SDCCAG8: variants seen among roughly 807,000 people sequenced by gnomAD.
The protein encoded by SDCCAG8 is SHH signaling and ciliogenesis regulator SDCCAG8, also known as serologically defined colon cancer antigen 8.
In SDCCAG8, 74 loss-of-function variants were observed where a neutral mutation model predicts 101.8. The ratio of observed to expected loss-of-function variants is 0.73; its 90% CI spans 0.60 to 0.88. SDCCAG8 has a LOEUF of 0.88. Among genes scored for constraint, SDCCAG8 ranks in the 40% least tolerant of loss-of-function variants. SDCCAG8 has a pLI of 0.00. For missense variants in SDCCAG8, 787 were observed against 822.6 expected (o/e 0.96, Z 0.53); for synonymous variants, 281 against 292.9 (o/e 0.96, Z 0.41).
chr1:243,449,175 A>C (rs555589615), intron 16 of SDCCAG8, among the ~76,000 whole-genome samples: 2 of 152,204 alleles, frequency 1.3e-5, no homozygotes, highest in Non-Finnish European at 2.9e-5. Flanking sequence ...TACTTAGGCT[A>C]TTTAACAACT....
intron 16 of SDCCAG8, 99 bp downstream of exon 16, chr1:243,426,657 A>T: frequency 7.2e-7 from 1 of 1,398,564 alleles, no homozygotes; most frequent in Non-Finnish European, 1.0e-6. Context: ...ATTCATCATC[A>T]TTATGCTACT....
At position 243,426,555 on chromosome 1, in the gene SDCCAG8, A is replaced by G; in HGVS notation, c.1982A>G (p.Gln661Arg). The change falls in exon 16 of 18, where the codon CAA (glutamine) becomes CGA (arginine). Residue 661 changes from glutamine to arginine, a missense_variant. Transcript: ENST00000366541. ...GGGAGAGTACATGAGACGATGAAGC[A>G]AAGGTAATCAAGGTTTCATGTCAAC... The part of the protein sequence containing the change: ...QHGRVHETMK[Q>R]RLRQLDKHSQ... The G allele has an allele frequency of 1.2e-6, 2 of 1,614,018 alleles. No homozygotes were observed. The highest frequency in any genetic ancestry group is 1.7e-6 in the Non-Finnish European group (2 of 1,179,916).
intron 6 of SDCCAG8, among the ~76,000 whole-genome samples, chr1:243,294,757 C>A (rs2070701695): frequency 7.4e-6 from 1 of 134,874 alleles, no homozygotes; most frequent in Non-Finnish European, 1.5e-5. Flanking sequence ...AAAAACAATT[C>A]TATTTTAAGA....
chr1:243,322,415 TA>T lies in SDCCAG8; in HGVS notation c.1068+5527del, dbSNP rs914423761. ...CATCTACTATGTACTCAACAAAAAT[TA>T]AAAATAAAGTAAAAACAATTAGGAG... On this transcript the variant is annotated intron_variant, in intron 9 of 17. Transcript: ENST00000366541. 1.6e-4 allele frequency among the ~76,000 whole-genome samples: 24 copies of T among 152,140 alleles called. 1 individual carries two copies. The highest frequency in any genetic ancestry group is 2.8e-4 in the Non-Finnish European group (19 of 68,028).
At chr1:243,356,194 T>C (rs1353362446) in intron 12 of SDCCAG8, among the ~76,000 whole-genome samples, 2 of 152,210 alleles carry the variant, frequency 1.3e-5, no homozygotes, top group East Asian at 3.8e-4. Flanking sequence ...CAAATATCTG[T>C]ATGTATTTTT....
chr1:243,392,998 G>C (rs1002969804), intron 13 of SDCCAG8, among the ~76,000 whole-genome samples: 3 of 152,162 alleles, frequency 2.0e-5, no homozygotes, highest in Non-Finnish European at 4.4e-5. Flanking sequence ...GTGGGAATTT[G>C]AAAATTAATA....
chr1:243,452,409 C>CTTTTTT (rs1558489172), intron 16 of SDCCAG8, among the ~76,000 whole-genome samples: 1 of 121,034 alleles, frequency 8.3e-6, no homozygotes. Context: ...GAGATGATCT[C>CTTTTTT]ATCTCTTTTT....
intron 16 of SDCCAG8, among the ~76,000 whole-genome samples, chr1:243,453,784 A>G (rs1422474011): frequency 6.6e-6 from 1 of 152,236 alleles, no homozygotes; most frequent in Non-Finnish European, 1.5e-5. Context: ...GACTGTATAT[A>G]TAATACCAGG....
Position 243,415,765 on chromosome 1 carries a change from C to A in SDCCAG8, c.1680C>A (p.Ala560=). 6.2e-7 allele frequency: 1 copy of A among 1,613,768 alleles called. No homozygotes were observed. Among genetic ancestry groups the A allele is most frequent in the Non-Finnish European group, 8.5e-7 (1 of 1,179,806 alleles). Reference sequence around the variant, plus strand: ...AAGCAAAGGCCCAAGCCCTTCAGGCCCAGCAAAGAGAGCAGGAGCTGACAC... The same window carrying A: ...AAGCAAAGGCCCAAGCCCTTCAGGCACAGCAAAGAGAGCAGGAGCTGACAC... ...SKEAKAQALQ[A]QQREQELTQK... Residue 560 remains alanine, a synonymous_variant, in exon 14 of 18, where the codon GCC becomes GCA. Coordinates refer to ENST00000366541, the MANE Select transcript of SDCCAG8 (RefSeq NM_006642.5).
chr1:243,276,995 T>G (rs1442037764), intron 4 of SDCCAG8, among the ~76,000 whole-genome samples: 2 of 152,242 alleles, frequency 1.3e-5, no homozygotes, highest in African/African-American at 4.8e-5. Context: ...TTCTTTTTAT[T>G]ATTAAGTAGT....
At chr1:243,258,449 G>C (rs1007087762) in intron 1 of SDCCAG8, among the ~76,000 whole-genome samples, 1 of 152,162 alleles carries the variant, frequency 6.6e-6, no homozygotes, top group Non-Finnish European at 1.5e-5. Flanking sequence ...CTGTCATCCA[G>C]GCTGAAATGC....
chr1:243,278,401 A>T (rs1012418726), intron 4 of SDCCAG8, among the ~76,000 whole-genome samples: 2 of 151,950 alleles, frequency 1.3e-5, no homozygotes, highest in African/African-American at 4.8e-5. Context: ...TTGTATTTTT[A>T]ATAGAGATGG....
chr1:243,468,276 G>A (rs1164424850), intron 16 of SDCCAG8, among the ~76,000 whole-genome samples: 1 of 150,130 alleles, frequency 6.7e-6, no homozygotes, highest in African/African-American at 2.5e-5. Flanking sequence ...GAAGTGCAGT[G>A]GCATGATCTT....
At chr1:243,309,504 G>A (rs1466831254) in intron 8 of SDCCAG8, among the ~76,000 whole-genome samples, 2 of 152,166 alleles carry the variant, frequency 1.3e-5, no homozygotes, top group Non-Finnish European at 2.9e-5. Context: ...CAGGTTGGGG[G>A]TGAGTTGCTG....
chr1:243,390,360 C>T (rs1233544155), intron 13 of SDCCAG8, among the ~76,000 whole-genome samples: 1 of 152,156 alleles, frequency 6.6e-6, no homozygotes, highest in African/African-American at 2.4e-5. Context: ...TTTTCCTTCC[C>T]CCACCCAGTA....
Position 243,490,877 on chromosome 1 carries a change from A to G in SDCCAG8, c.2112+1737A>G, listed in dbSNP as rs144140852. Reference sequence around the variant, plus strand: ...AACCCAGCCCTGTGGGCAGGTCCCCAGGGAGGGCCCCAGCAGCACCTGCTT... The same window carrying G: ...AACCCAGCCCTGTGGGCAGGTCCCCGGGGAGGGCCCCAGCAGCACCTGCTT... On this transcript the variant is annotated intron_variant, in intron 17 of 17. Coordinates refer to ENST00000366541, the MANE Select transcript of SDCCAG8 (RefSeq NM_006642.5). 9.2e-5 allele frequency among the ~76,000 whole-genome samples: 14 copies of G among 152,324 alleles called. No individual in the cohort carries two copies. The East Asian group carries it at 2.5e-3, about 27-fold the overall frequency.
intron 16 of SDCCAG8, among the ~76,000 whole-genome samples, chr1:243,429,740 C>CGCCCAGGGTG (rs2081591037): frequency 7.8e-6 from 1 of 128,428 alleles, no homozygotes; most frequent in Non-Finnish European, 1.6e-5. Flanking sequence ...CTCACTCTGT[C>CGCCCAGGGTG]GCCCAGGGTG....
intron 13 of SDCCAG8, among the ~76,000 whole-genome samples, chr1:243,401,827 T>C (rs998177090): frequency 3.3e-5 from 5 of 152,234 alleles, no homozygotes; most frequent in Non-Finnish European, 7.3e-5. Context: ...TTCTTCTCCT[T>C]TGTTTCTCCT....
At chr1:243,270,401 A>G in intron 2 of SDCCAG8, 144 bp downstream of exon 2, 1 of 950,692 alleles carries the variant, frequency 1.1e-6, no homozygotes, top group Non-Finnish European at 1.6e-6. Context: ...CCCTCGCTTA[A>G]TCTTGTTTTC....
Sources: gnomAD v4.1 joint callset for allele counts (sites outside exome capture counted in the v4.1 genomes callset) on GRCh38, gnomAD v4.1.1 for gene constraint, MANE v1.5 for transcripts, NCBI Gene and HGNC (gene_info 2026-07-23, HGNC 2026-07-21) for gene names.